C4orf51: variants seen among roughly 807,000 people sequenced by gnomAD.
C4orf51 encodes the protein uncharacterized protein C4orf51.
A neutral mutation model predicts 25.2 loss-of-function variants in C4orf51; 25 were observed. That is an observed-to-expected ratio of 0.99 (90% CI 0.72 to 1.39). The LOEUF (loss-of-function observed/expected upper bound fraction) is 1.39, where lower values mean the gene tolerates loss of function less well. Among genes scored for constraint, C4orf51 ranks in the 40% most tolerant of loss-of-function variants. The pLI is 0.00. For synonymous variants in C4orf51, 100 were observed against 84.5 expected (o/e 1.18, Z -1.01); for missense variants, 252 against 239.6 (o/e 1.05, Z -0.34).
intron 1 of C4orf51, among the ~76,000 whole-genome samples, chr4:145,753,994 C>T (rs1733815075): frequency 6.6e-6 from 1 of 152,210 alleles, no homozygotes. Context: ...ACAGTGCTGT[C>T]CTTGGCTCTG....
chr4:145,788,658 A>G, the C4orf51 span, among the ~76,000 whole-genome samples: 24 of 152,344 alleles, frequency 1.6e-4, no homozygotes, highest in Non-Finnish European at 1.2e-4. Context: ...ACAACATGGA[A>G]GCAAACTGAC....
intron 2 of C4orf51, among the ~76,000 whole-genome samples, chr4:145,723,361 G>A (rs1004971372): frequency 6.6e-5 from 10 of 151,868 alleles, no homozygotes; most frequent in African/African-American, 2.4e-4. Flanking sequence ...TTGTGTTCAC[G>A]AACCTTCATT....
chr4:145,731,713 C>G (rs948496619), intron 5 of C4orf51, among the ~76,000 whole-genome samples: 51 of 151,632 alleles, frequency 3.4e-4, no homozygotes, highest in African/African-American at 1.2e-3. Context: ...TCCCGAGTAA[C>G]TGGGATTACA....
intron 2 of C4orf51, among the ~76,000 whole-genome samples, chr4:145,706,878 C>A (rs1005363814): frequency 6.9e-6 from 1 of 145,200 alleles, no homozygotes; most frequent in Non-Finnish European, 1.5e-5. Context: ...GTGGTGGGAT[C>A]TTGGCTCACT....
chr4:145,711,000 C>T lies in C4orf51; in HGVS notation c.307+14368C>T, dbSNP rs189330915. 1.9e-3 allele frequency among the ~76,000 whole-genome samples: 283 copies of T among 152,232 alleles called. 1 individual carries two copies. Among genetic ancestry groups the T allele is most frequent in the African/African-American group, 6.2e-3 (256 of 41,550 alleles). ...CTGGCATCTGGTACCAGTCTTCTTTCCCCCGAATTTATAAGTAACTAGAAT... is the reference window on the plus strand; with the variant it reads ...CTGGCATCTGGTACCAGTCTTCTTTTCCCCGAATTTATAAGTAACTAGAAT... On this transcript the variant is annotated intron_variant, in intron 2 of 5. Coordinates refer to ENST00000438731, the MANE Select transcript of C4orf51 (RefSeq NM_001080531.3).
chr4:145,760,720 GTTTTT>G (rs10715391), intron 1 of C4orf51: 176 of 706,154 alleles, frequency 2.5e-4, no homozygotes, highest in Non-Finnish European at 2.9e-4. Context: ...AAGTTTTGTG[GTTTTT>G]TTTTTTTTTT....
chr4:145,779,625 T>C, the C4orf51 span: 14 of 1,393,770 alleles, frequency 1.0e-5, no homozygotes, highest in Non-Finnish European at 1.3e-5. Flanking sequence ...GGCTAGTAAT[T>C]GCAAATGAGT....
At chr4:145,774,648 G>C (rs35479210), downstream of C4orf51, 2 of 1,613,714 alleles carry the variant, frequency 1.2e-6, no homozygotes, top group Admixed American at 1.7e-5. Context: ...CATTGAGCTC[G>C]GTCTCAAATC....
intron 1 of C4orf51, among the ~76,000 whole-genome samples, chr4:145,742,583 A>C (rs932462251): frequency 7.2e-5 from 9 of 125,274 alleles, no homozygotes; most frequent in African/African-American, 2.9e-4. Flanking sequence ...TCTGTCGCCC[A>C]GGCTGGAGTG....
At chr4:145,704,070 A>C (rs538241803) in intron 2 of C4orf51, among the ~76,000 whole-genome samples, 2 of 152,336 alleles carry the variant, frequency 1.3e-5, no homozygotes, top group East Asian at 1.9e-4. Flanking sequence ...CATGTCCAGA[A>C]ACAGGTAAAT....
intron 1 of C4orf51, chr4:145,759,772 AT>A (rs1385524423): frequency 6.6e-6 from 1 of 151,904 alleles, no homozygotes; most frequent in African/African-American, 2.4e-5. Context: ...TAGTCTGAGC[AT>A]TTATACCCAG....
At chr4:145,708,033 C>T (rs35728986) in intron 2 of C4orf51, among the ~76,000 whole-genome samples, 15,898 of 152,242 alleles carry the variant, frequency 0.1, 986 homozygotes, top group Admixed American at 0.19. Context: ...ATGGACATAG[C>T]TTTTATCCCA....
intron 1 of C4orf51, chr4:145,760,317 A>C (rs1450160034): frequency 6.6e-6 from 1 of 152,366 alleles, no homozygotes; most frequent in African/African-American, 2.4e-5. Flanking sequence ...GTCATGGCAC[A>C]CGACACACGG....
rs548551920 is a variant in C4orf51 at position 145,695,658 on chromosome 4, G to A, written c.234-901G>A. ...TGTTGTGATTGCTTTTGGCATCTAT[G>A]TCATGAAATCTTTCTGGAATATAAA... On this transcript the variant is annotated intron_variant, in intron 1 of 5. Coordinates refer to ENST00000438731, the MANE Select transcript of C4orf51 (RefSeq NM_001080531.3). 1.8e-4 allele frequency among the ~76,000 whole-genome samples: 27 copies of A among 152,256 alleles called. No homozygotes were observed. The South Asian group carries it at 5.2e-3, about 29-fold the overall frequency.
intron 2 of C4orf51, among the ~76,000 whole-genome samples, chr4:145,722,245 C>A (rs1021050803): frequency 1.3e-5 from 2 of 152,202 alleles, no homozygotes; most frequent in Non-Finnish European, 2.9e-5. Context: ...TATTTTGCCA[C>A]ATTTCCTAAC....
At chr4:145,780,098 C>T in the C4orf51 span, among the ~76,000 whole-genome samples, 2 of 151,986 alleles carry the variant, frequency 1.3e-5, no homozygotes, top group Non-Finnish European at 2.9e-5. Flanking sequence ...GGCTGAGGCA[C>T]GAGAATCGCT....
chr4:145,728,569 A>G (rs1579000647), intron 3 of C4orf51, among the ~76,000 whole-genome samples: 1 of 152,224 alleles, frequency 6.6e-6, no homozygotes. Flanking sequence ...GGGAGCCTCC[A>G]GTCACAACAT....
At position 145,729,954 on chromosome 4, in the gene C4orf51, G is replaced by A. The variant is rs780356630; in HGVS notation, c.490G>A (p.Val164Ile). The A allele has an allele frequency of 1.2e-6, 2 of 1,613,734 alleles. No individual in the cohort carries two copies. The highest frequency in any genetic ancestry group is 1.1e-5 in the South Asian group (1 of 91,084). ...AAACTACAGTCGACGAGGGAAAGGT[G>A]TCCTAAAGCATGTAAGAATCTTTTT... Reference protein sequence around the residue: ...LINYSRRGKGVLKHLHGRCDS... With the variant: ...LINYSRRGKGILKHLHGRCDS... Residue 164 changes from valine (V) to isoleucine (I), a missense_variant, in exon 5 of 6, where the codon GTC (valine) becomes ATC (isoleucine). Coordinates refer to ENST00000438731, the MANE Select transcript of C4orf51 (RefSeq NM_001080531.3).
chr4:145,791,864 T>A, the C4orf51 span, among the ~76,000 whole-genome samples: 7 of 152,238 alleles, frequency 4.6e-5, no homozygotes, highest in African/African-American at 1.7e-4. Context: ...GAATTGATTA[T>A]GAAATCAGCT....
Sources: gnomAD v4.1 joint callset for allele counts (sites outside exome capture counted in the v4.1 genomes callset) on GRCh38, gnomAD v4.1.1 for gene constraint, MANE v1.5 for transcripts, NCBI Gene and HGNC (gene_info 2026-07-23, HGNC 2026-07-21) for gene names.